AOAH: variants seen among roughly 807,000 people sequenced by gnomAD.
AOAH encodes the protein acyloxyacyl hydrolase (neutrophil).
In AOAH, 64 loss-of-function variants were observed where a neutral mutation model predicts 92.2. The observed-to-expected ratio is 0.69, with a 90% CI of 0.57 to 0.86. The LOEUF (loss-of-function observed/expected upper bound fraction) is 0.86, where lower values mean the gene tolerates loss of function less well. AOAH is among the 40% of genes least tolerant of loss of function. The pLI is 0.00. For synonymous variants in AOAH, 263 were observed against 254.5 expected (o/e 1.03, Z -0.32); for missense variants, 656 against 694.6 (o/e 0.94, Z 0.62).
At chr7:36,653,534 A>C (rs1485317743) in intron 4 of AOAH, among the ~76,000 whole-genome samples, 3 of 152,114 alleles carry the variant, frequency 2.0e-5, no homozygotes, top group African/African-American at 7.2e-5. Context: ...CTGTGCATAC[A>C]CACCCTCCCC....
In AOAH at chr7:36,669,011, ATTGC is replaced by A. The variant is rs1795735447; in HGVS notation, c.290+4928_290+4931del. 4.6e-5 allele frequency among the ~76,000 whole-genome samples: 7 copies of A among 152,194 alleles called. No individual in the cohort carries two copies. In the South Asian group the frequency reaches 1.4e-3, roughly 31 times the overall value. Reference sequence around the variant, plus strand: ...ACACTTTGGCATAGCCAGCTAATTGATTGCTTGAATTAGAATCATGGTAGAATTA... The same window carrying A: ...ACACTTTGGCATAGCCAGCTAATTGATTGAATTAGAATCATGGTAGAATTA... On this transcript the variant is annotated intron_variant, in intron 3 of 20. Coordinates refer to ENST00000617537, the MANE Select transcript of AOAH (RefSeq NM_001637.4).
chr7:36,723,262 A>T (rs1250069472), intron 1 of AOAH, among the ~76,000 whole-genome samples: 1 of 152,130 alleles, frequency 6.6e-6, no homozygotes, highest in Non-Finnish European at 1.5e-5. Context: ...TGCCACCACT[A>T]TTATGAGAAT....
At chr7:36,542,510 A>G (rs1785486178) in intron 15 of AOAH, among the ~76,000 whole-genome samples, 1 of 152,228 alleles carries the variant, frequency 6.6e-6, no homozygotes, top group Non-Finnish European at 1.5e-5. Flanking sequence ...AGGGGCCCCC[A>G]GGGATCCATA....
chr7:36,549,285 G>C (rs1158372141), intron 14 of AOAH, among the ~76,000 whole-genome samples, 154 bp downstream of exon 14: 1 of 152,004 alleles, frequency 6.6e-6, no homozygotes, highest in Non-Finnish European at 1.5e-5. Context: ...CACTTTCTAT[G>C]CTCACTGGCC....
intron 1 of AOAH, among the ~76,000 whole-genome samples, chr7:36,720,844 G>C (rs1799583082): frequency 6.6e-6 from 1 of 152,198 alleles, no homozygotes; most frequent in South Asian, 2.1e-4. Context: ...GCGCGGAAAT[G>C]TTTGGGGACC....
At chr7:36,527,033 T>C (rs1403614220) in intron 19 of AOAH, among the ~76,000 whole-genome samples, 1 of 152,184 alleles carries the variant, frequency 6.6e-6, no homozygotes, top group Non-Finnish European at 1.5e-5. Context: ...TTTCCTCTGT[T>C]GGGGAGGTGT....
intron 13 of AOAH, among the ~76,000 whole-genome samples, chr7:36,550,511 G>A (rs1046953173): frequency 6.6e-6 from 1 of 152,214 alleles, no homozygotes; most frequent in Non-Finnish European, 1.5e-5. Flanking sequence ...CCACCTAAGT[G>A]GCTTGCCCAA....
At chr7:36,671,893 G>A (rs183421400) in intron 3 of AOAH, among the ~76,000 whole-genome samples, 192 of 152,240 alleles carry the variant, frequency 1.3e-3, no homozygotes, top group Non-Finnish European at 2.3e-3. Context: ...TTCCTGATGA[G>A]CCTTGTGTAT....
At chr7:36,696,626 C>T (rs1797726928) in intron 1 of AOAH, among the ~76,000 whole-genome samples, 1 of 152,124 alleles carries the variant, frequency 6.6e-6, no homozygotes, top group African/African-American at 2.4e-5. Context: ...CTTTGGGAGG[C>T]TGAGGCGGGT....
intron 1 of AOAH, among the ~76,000 whole-genome samples, chr7:36,698,636 A>T (rs1188646326): frequency 1.3e-5 from 2 of 152,112 alleles, no homozygotes; most frequent in Non-Finnish European, 2.9e-5. Context: ...TTTCACTTAG[A>T]CCAAACTATT....
At chr7:36,537,515 T>TTG (rs1785148475) in intron 16 of AOAH, among the ~76,000 whole-genome samples, 1 of 149,922 alleles carries the variant, frequency 6.7e-6, no homozygotes, top group Non-Finnish European at 1.5e-5. Flanking sequence ...TGTTTTTTTT[T>TTG]TTTTTTTGTT....
chr7:36,656,155 C>T (rs985486764), intron 4 of AOAH, among the ~76,000 whole-genome samples: 1 of 152,132 alleles, frequency 6.6e-6, no homozygotes, highest in Non-Finnish European at 1.5e-5. Context: ...TTTGGTTGGA[C>T]TCACTGGGAC....
In AOAH at chr7:36,514,554, T is replaced by TTGTC. The variant is rs1790228550; in HGVS notation, c.1600-1178_1600-1175dup. On this transcript the variant is annotated intron_variant, in intron 20 of 20. Coordinates refer to ENST00000617537, the MANE Select transcript of AOAH (RefSeq NM_001637.4). ...CATTCTTGGTTGTCCAGTGTCTGGC[T>TTGTC]TGTCATTAATATGCCTTTGAGGAGG... is the stretch of plus-strand genomic sequence containing the variant. 3 of 1,535,844 alleles carry TTGTC rather than the reference T, an allele frequency of 2.0e-6. No individual in the cohort carries two copies. In the South Asian group the frequency reaches 3.6e-5, roughly 18 times the overall value.
At chr7:36,601,125 G>A (rs1790549605) in intron 11 of AOAH, among the ~76,000 whole-genome samples, 1 of 152,174 alleles carries the variant, frequency 6.6e-6, no homozygotes, top group Non-Finnish European at 1.5e-5. Flanking sequence ...TGGGAGAATA[G>A]AGAGAGGATA....
At position 36,563,337 on chromosome 7, in the gene AOAH, A is replaced by G. The variant is rs559056858; in HGVS notation, c.1021+13237T>C. ...ACCACTTTCCCAGATCTAGAGTGAG[A>G]ACTAGAGGGTTTCTTCTTGAAGTGA... On this transcript the variant is annotated intron_variant, in intron 13 of 20. Coordinates refer to ENST00000617537, the MANE Select transcript of AOAH (RefSeq NM_001637.4). Among the ~76,000 whole-genome samples, 3 of 125,876 alleles carry G rather than the reference A, an allele frequency of 2.4e-5. No homozygotes were observed. In the South Asian group the frequency reaches 7.3e-4, roughly 31 times the overall value. The allele number at this position is 125,876 out of a possible 152,430, so 82.6% of individuals were successfully genotyped here.
intron 4 of AOAH, among the ~76,000 whole-genome samples, chr7:36,654,120 T>TGTGTGTGTGCATGCATCCCTGTGC (rs1794738059): frequency 6.9e-6 from 1 of 145,714 alleles, no homozygotes. Context: ...TCCCTGTGCG[T>TGTGTGTGTGCATGCATCCCTGTGC]GTGTGCGTAC....
chr7:36,551,185 T>C (rs1006454877), intron 13 of AOAH, among the ~76,000 whole-genome samples: 1 of 151,658 alleles, frequency 6.6e-6, no homozygotes, highest in African/African-American at 2.4e-5. Flanking sequence ...GTGATTCTCC[T>C]GCCTCAGCCT....
intron 1 of AOAH, among the ~76,000 whole-genome samples, chr7:36,707,345 G>T (rs145980014): frequency 1.4e-3 from 219 of 152,104 alleles, no homozygotes; most frequent in African/African-American, 5.2e-3. Flanking sequence ...TATGGGTGTG[G>T]TTCATGGCAC....
rs1195589712 is a variant in AOAH, at chr7:36,614,385, T to C, written c.846+1995A>G. Among the ~76,000 whole-genome samples, 2 of 152,234 alleles carry C rather than the reference T, an allele frequency of 1.3e-5. No individual in the cohort carries two copies. ...GAGGTCCTTCGCTTAGAAAGGGCCC[T>C]GCACTGGGTTTAATGCTCTGCTGCC... On this transcript the variant is annotated intron_variant, in intron 11 of 20. Transcript: ENST00000617537. This position sits in a 1 kb window ranked among gnomAD's most constrained non-coding sequence, Gnocchi z 4.2.
Sources: gnomAD v4.1 joint callset for allele counts (sites outside exome capture counted in the v4.1 genomes callset) on GRCh38, gnomAD v4.1.1 for gene constraint, Gnocchi (gnomAD v3.1) non-coding constraint, MANE v1.5 for transcripts, NCBI Gene and HGNC (gene_info 2026-07-23, HGNC 2026-07-21) for gene names.